Variants in TEX14 observed in about 807,000 individuals in gnomAD.
The protein encoded by TEX14 is inactive serine/threonine-protein kinase TEX14.
In TEX14, 168 loss-of-function variants were observed where a neutral mutation model predicts 178.6. The observed-to-expected ratio is 0.94, with a 90% CI of 0.83 to 1.07. TEX14 has a LOEUF of 1.07. TEX14 is among the 50% of genes least tolerant of loss of function. TEX14 has a pLI of 0.00. For synonymous variants in TEX14, 626 were observed against 634.1 expected, an observed-to-expected ratio of 0.99 and a Z score of 0.19; for missense variants, 1,730 against 1,753.6, an observed-to-expected ratio of 0.99 and a Z score of 0.24.
chr17:58,586,937 T>C (rs2044991657), intron 17 of TEX14, among the ~76,000 whole-genome samples: 1 of 152,220 alleles, frequency 6.6e-6, no homozygotes, highest in Non-Finnish European at 1.5e-5. Context: ...TGCAATGGAA[T>C]GGTGTCTGTC....
At chr17:58,561,369 G>A in intron 29 of TEX14, 151 bp downstream of exon 29, 1 of 619,328 alleles carries the variant, frequency 1.6e-6, no homozygotes, top group Non-Finnish European at 2.9e-6. Flanking sequence ...CAGAGGAAGA[G>A]GGGCAAATAT....
At chr17:58,563,624 TATATATATATA>T (rs2044317739) in intron 28 of TEX14, among the ~76,000 whole-genome samples, 6 of 3,206 alleles carry the variant, frequency 1.9e-3, no homozygotes, top group African/African-American at 8.1e-3. Flanking sequence ...CTCTAATTTA[TATATATATATA>T]TATATATATA....
intron 2 of TEX14, among the ~76,000 whole-genome samples, chr17:58,640,448 G>C (rs1337264770): frequency 6.6e-6 from 1 of 152,146 alleles, no homozygotes; most frequent in African/African-American, 2.4e-5. Flanking sequence ...ACTTGCCTAA[G>C]GTCACACAGT....
At chr17:58,576,179 G>A (rs1478962941) in intron 21 of TEX14, among the ~76,000 whole-genome samples, 3 of 152,192 alleles carry the variant, frequency 2.0e-5, no homozygotes, top group Admixed American at 2.0e-4. Flanking sequence ...AGATTCACAT[G>A]CAATTGTAAG....
chr17:58,688,397 G>C (rs1371885407), intron 1 of TEX14, among the ~76,000 whole-genome samples: 1 of 152,160 alleles, frequency 6.6e-6, no homozygotes, highest in Non-Finnish European at 1.5e-5. Context: ...TGGGATTACA[G>C]GTGTGAGCCA....
At chr17:58,574,675 C>CAAAAAA (rs1177255314) in intron 21 of TEX14, among the ~76,000 whole-genome samples, 1 of 43,888 alleles carries the variant, frequency 2.3e-5, no homozygotes, top group African/African-American at 8.6e-5. Flanking sequence ...ACTCCATCTC[C>CAAAAAA]AAAAAAAAAA....
chr17:58,619,313 C>CT (rs774778297), intron 5 of TEX14, among the ~76,000 whole-genome samples: 245 of 152,286 alleles, frequency 1.6e-3, no homozygotes, highest in Non-Finnish European at 2.9e-3. Context: ...CAGCACACAT[C>CT]TATATAACTC....
At chr17:58,655,139 G>A (rs1195596694) in intron 1 of TEX14, among the ~76,000 whole-genome samples, 1 of 150,938 alleles carries the variant, frequency 6.6e-6, no homozygotes, top group African/African-American at 2.4e-5. Flanking sequence ...CCGCTTCCTG[G>A]GTAGCTGGGA....
intron 21 of TEX14, 43 bp downstream of exon 21, chr17:58,577,332 C>A: frequency 1.3e-6 from 1 of 774,984 alleles, no homozygotes; most frequent in Non-Finnish European, 2.0e-6. Context: ...TTTAACATTG[C>A]ATCTATGAGT....
intron 2 of TEX14, among the ~76,000 whole-genome samples, chr17:58,634,646 T>C (rs886713240): frequency 2.6e-5 from 4 of 151,950 alleles, no homozygotes; most frequent in African/African-American, 9.7e-5. Context: ...AGCCTAAGAG[T>C]AGAGAAGAGC....
intron 10 of TEX14, among the ~76,000 whole-genome samples, chr17:58,608,467 A>T (rs1187503105): frequency 6.6e-6 from 1 of 151,554 alleles, no homozygotes; most frequent in East Asian, 1.9e-4. Flanking sequence ...CTGTAGTCCC[A>T]GCTACTCAGG....
chr17:58,639,056 G>A (rs984278004), intron 2 of TEX14, among the ~76,000 whole-genome samples: 7 of 150,966 alleles, frequency 4.6e-5, no homozygotes, highest in Admixed American at 4.0e-4. Context: ...TAGTAGAGAC[G>A]GGGTTTCACC....
chr17:58,658,125 G>A (rs559103280), intron 1 of TEX14, among the ~76,000 whole-genome samples: 1 of 152,176 alleles, frequency 6.6e-6, no homozygotes, highest in South Asian at 2.1e-4. Context: ...TACTCACCAA[G>A]TTATCCTTAA....
intron 8 of TEX14, among the ~76,000 whole-genome samples, chr17:58,614,130 A>C (rs769950414): frequency 1.3e-5 from 2 of 152,218 alleles, no homozygotes; most frequent in Non-Finnish European, 2.9e-5. Context: ...ATCGTCTCAG[A>C]TCCTAACAAC....
At chr17:58,635,160 A>C (rs1598406100) in intron 2 of TEX14, among the ~76,000 whole-genome samples, 1 of 152,148 alleles carries the variant, frequency 6.6e-6, no homozygotes. Context: ...AAAGGAAAAA[A>C]TGCTGATATT....
Position 58,565,651 on chromosome 17 carries a change from C to T in TEX14, c.3964+96G>A, listed in dbSNP as rs148027179. 140 of 815,888 alleles carry T rather than the reference C, an allele frequency of 1.7e-4. No individual in the cohort carries two copies. The African/African-American group carries it at 2.2e-3, about 13-fold the overall frequency. The allele number at this position is 815,888 out of a possible 1,614,324, so 50.5% of individuals were successfully genotyped here. A position where few individuals can be genotyped will look rare whatever the true frequency, so the allele number is the denominator to read the frequency against. On this transcript the variant is annotated intron_variant, in intron 27 of 31. Transcript: ENST00000349033. ...AAGTCAGACTTGAGGTGGAGTTGTG[C>T]CTGACCTCAAGGTCACACTTCCCTA...
At position 58,628,070 on chromosome 17, in the gene TEX14, G is replaced by A. The variant is rs75994482; in HGVS notation, c.251+2370C>T. 7.7e-3 allele frequency among the ~76,000 whole-genome samples: 1,173 copies of A among 151,814 alleles called. 15 individuals are homozygous for A. Among genetic ancestry groups the A allele is most frequent in the African/African-American group, 0.026 (1,093 of 41,368 alleles). On this transcript the variant is annotated intron_variant, in intron 3 of 31. Transcript: ENST00000349033. The stretch of plus-strand genomic sequence containing the variant: ...CATCTGGCTGACCCCTTTCTCTCCG[G>A]GCTTTGAAATTAAACAATACGGTAG...
intron 2 of TEX14, among the ~76,000 whole-genome samples, chr17:58,649,778 C>G (rs1389705424): frequency 6.6e-6 from 1 of 151,932 alleles, no homozygotes; most frequent in Non-Finnish European, 1.5e-5. Context: ...CTCACTCTGT[C>G]CCCCAGGCTG....
chr17:58,594,635 G>A (rs2144449845), intron 14 of TEX14, among the ~76,000 whole-genome samples: 1 of 152,192 alleles, frequency 6.6e-6, no homozygotes, highest in East Asian at 1.9e-4. Context: ...TTACAGGCGT[G>A]AGACACCGCA....
Sources: allele counts gnomAD v4.1 joint callset (sites outside exome capture counted in the v4.1 genomes callset), GRCh38; gene constraint gnomAD v4.1.1; transcripts MANE v1.5; gene names NCBI Gene and HGNC (gene_info 2026-07-23, HGNC 2026-07-21).